CCNY: variants seen among roughly 807,000 people sequenced by gnomAD.
CCNY encodes the protein cyclin-Y.
A neutral mutation model predicts 42.8 loss-of-function variants in CCNY; 19 were observed. The observed-to-expected ratio is 0.44, with a 90% CI of 0.31 to 0.65. CCNY has a LOEUF of 0.65. CCNY is among the 30% of genes least tolerant of loss of function. CCNY has a pLI of 0.07. For synonymous variants in CCNY, 165 were observed against 162.7 expected (o/e 1.01, Z -0.11); for missense variants, 370 against 437.3 (o/e 0.85, Z 1.37).
intron 7 of CCNY, among the ~76,000 whole-genome samples, chr10:35,537,945 C>A (rs1329285066): frequency 6.6e-6 from 1 of 152,122 alleles, no homozygotes; most frequent in Non-Finnish European, 1.5e-5. Flanking sequence ...CCACCAAGAT[C>A]GCATTTTGAA....
At chr10:35,351,680 G>T (rs996836231) in intron 1 of CCNY, among the ~76,000 whole-genome samples, 5 of 152,188 alleles carry the variant, frequency 3.3e-5, no homozygotes, top group African/African-American at 9.6e-5. Context: ...AATATTTTAA[G>T]AATTTTTATT....
chr10:35,335,677 A>C (rs896199259), upstream of CCNY, among the ~76,000 whole-genome samples: 1 of 152,040 alleles, frequency 6.6e-6, no homozygotes, highest in African/African-American at 2.4e-5. Flanking sequence ...ACGAAGCGAG[A>C]TCCCATCTCT....
intron 3 of CCNY, among the ~76,000 whole-genome samples, chr10:35,301,351 A>G (rs893136099): frequency 2.0e-5 from 3 of 152,210 alleles, no homozygotes; most frequent in Admixed American, 6.5e-5. Flanking sequence ...CATTAACACT[A>G]GAAAGAGTTG....
chr10:35,301,949 AT>A (rs34194272), intron 3 of CCNY, among the ~76,000 whole-genome samples: 40,886 of 149,230 alleles, frequency 0.27, 5,893 homozygotes, highest in East Asian at 0.34. Context: ...GTTATTTTTT[AT>A]TTTATTTATT....
At chr10:35,445,139 G>T (rs1443954121) in intron 1 of CCNY, among the ~76,000 whole-genome samples, 1 of 152,228 alleles carries the variant, frequency 6.6e-6, no homozygotes, top group Non-Finnish European at 1.5e-5. Flanking sequence ...AGGTCTGGAA[G>T]TCAGTGGAGG....
chr10:35,510,486 G>T (rs1243820331), intron 3 of CCNY, among the ~76,000 whole-genome samples: 5 of 152,108 alleles, frequency 3.3e-5, no homozygotes, highest in Non-Finnish European at 7.3e-5. Flanking sequence ...CAAAGTGCTG[G>T]AATTATAGGC....
At chr10:35,384,117 T>C (rs574466998) in intron 1 of CCNY, among the ~76,000 whole-genome samples, 2 of 152,342 alleles carry the variant, frequency 1.3e-5, no homozygotes, top group East Asian at 3.9e-4. Context: ...CTTCATATTT[T>C]AGCAGAATAG....
chr10:35,297,510 G>C (rs1397079374), intron 3 of CCNY, among the ~76,000 whole-genome samples: 3 of 152,096 alleles, frequency 2.0e-5, no homozygotes, highest in African/African-American at 7.2e-5. Flanking sequence ...GAGGCAGGAG[G>C]AAGAAATAAA....
At chr10:35,274,758 C>T (rs1387999969) in intron 3 of CCNY, among the ~76,000 whole-genome samples, 1 of 152,134 alleles carries the variant, frequency 6.6e-6, no homozygotes. Context: ...GAAACTGCTT[C>T]TCATCCTTTT....
At chr10:35,355,775 T>TAACCTGG (rs1022038193) in intron 1 of CCNY, among the ~76,000 whole-genome samples, 37 of 151,854 alleles carry the variant, frequency 2.4e-4, no homozygotes, top group African/African-American at 8.2e-4. Flanking sequence ...AGACTAGTAT[T>TAACCTGG]AACCTGGAAA....
At chr10:35,441,509 C>T (rs925668850) in intron 1 of CCNY, among the ~76,000 whole-genome samples, 3 of 152,264 alleles carry the variant, frequency 2.0e-5, no homozygotes, top group African/African-American at 4.8e-5. Flanking sequence ...GCTGCGAGGC[C>T]GAGGCGGGAG....
At chr10:35,403,715 G>A (rs1208656909) in intron 1 of CCNY, among the ~76,000 whole-genome samples, 2 of 152,194 alleles carry the variant, frequency 1.3e-5, no homozygotes, top group Non-Finnish European at 2.9e-5. Flanking sequence ...ATATTGACAC[G>A]TGGTCTCTTT....
chr10:35,542,284 TTGTA>T (rs1841018246), intron 7 of CCNY, among the ~76,000 whole-genome samples: 2 of 151,560 alleles, frequency 1.3e-5, no homozygotes, highest in South Asian at 4.2e-4. Context: ...TAGACTGGGA[TTGTA>T]TGTTTTTTTG....
At chr10:35,387,362 G>A (rs1837320360) in intron 1 of CCNY, among the ~76,000 whole-genome samples, 2 of 152,210 alleles carry the variant, frequency 1.3e-5, no homozygotes, top group African/African-American at 4.8e-5. Context: ...AGGCTTCAGG[G>A]TTCTGCCCCT....
intron 1 of CCNY, among the ~76,000 whole-genome samples, chr10:35,396,396 A>G (rs926838770): frequency 1.3e-5 from 2 of 152,178 alleles, no homozygotes; most frequent in Non-Finnish European, 2.9e-5. Flanking sequence ...TGTAAGAGGC[A>G]GGTGCCGCAA....
chr10:35,511,313 T>C (rs980441865), intron 3 of CCNY, among the ~76,000 whole-genome samples: 1 of 151,914 alleles, frequency 6.6e-6, no homozygotes, highest in African/African-American at 2.4e-5. Context: ...CGGAGACATA[T>C]AGAAAAGTGA....
At chr10:35,358,571 C>T (rs923561710) in intron 1 of CCNY, among the ~76,000 whole-genome samples, 11 of 152,204 alleles carry the variant, frequency 7.2e-5, no homozygotes, top group Non-Finnish European at 1.6e-4. Context: ...AGTAGTGAGT[C>T]GGTGCCATTT....
chr10:35,436,174 C>T (rs1054754616), intron 1 of CCNY, among the ~76,000 whole-genome samples: 2 of 152,096 alleles, frequency 1.3e-5, no homozygotes, highest in African/African-American at 4.8e-5. Flanking sequence ...CCAGGAGTGA[C>T]TTGTGGGACC....
intron 3 of CCNY, among the ~76,000 whole-genome samples, chr10:35,252,141 T>C (rs2095712412): frequency 6.6e-6 from 1 of 152,194 alleles, no homozygotes; most frequent in South Asian, 2.1e-4. Context: ...CTTGAGGGCA[T>C]TTATAGAATT....
Sources: allele counts gnomAD v4.1 joint callset (sites outside exome capture counted in the v4.1 genomes callset), GRCh38; gene constraint gnomAD v4.1.1; transcripts MANE v1.5; gene names NCBI Gene and HGNC (gene_info 2026-07-23, HGNC 2026-07-21).